The following NINL variants were observed in gnomAD, a reference collection of about 807,000 sequenced individuals.
The protein encoded by NINL is ninein like, also known as ninein-like protein.
Under a neutral mutation model 160.3 loss-of-function variants are expected in NINL, and 153 were observed. The observed-to-expected ratio is 0.95, with a 90% CI of 0.84 to 1.09. The LOEUF (loss-of-function observed/expected upper bound fraction) is 1.09, where lower values mean the gene tolerates loss of function less well. NINL is among the 50% of genes least tolerant of loss of function. The pLI is 0.00. For missense variants in NINL, 1,829 were observed against 1,764.0 expected (o/e 1.04, Z -0.66); for synonymous variants, 800 against 734.8 (o/e 1.09, Z -1.43).
chr20:25,534,521 A>G (rs1054148052), intron 1 of NINL, among the ~76,000 whole-genome samples: 1 of 152,252 alleles, frequency 6.6e-6, no homozygotes, highest in African/African-American at 2.4e-5. Flanking sequence ...AGCATGGCCT[A>G]CCACAAACCT....
intron 17 of NINL, 129 bp downstream of exon 17, chr20:25,475,914 G>A: frequency 2.2e-6 from 2 of 926,322 alleles, no homozygotes; most frequent in South Asian, 1.7e-5. Context: ...GGGCTACACA[G>A]CCCCCATCAG....
At chr20:25,500,557 C>A (rs540069531) in intron 8 of NINL, among the ~76,000 whole-genome samples, 1 of 152,236 alleles carries the variant, frequency 6.6e-6, no homozygotes, top group Non-Finnish European at 1.5e-5. Flanking sequence ...CTTGGCCCAA[C>A]ATTCAGGGGA....
At chr20:25,471,532 A>T (rs1362305302) in intron 17 of NINL, among the ~76,000 whole-genome samples, 1 of 152,166 alleles carries the variant, frequency 6.6e-6, no homozygotes, top group Admixed American at 6.5e-5. Context: ...AAACAACTAG[A>T]TCCTGCGCAA....
At chr20:25,524,698 A>G (rs1252431801) in intron 2 of NINL, among the ~76,000 whole-genome samples, 1 of 152,198 alleles carries the variant, frequency 6.6e-6, no homozygotes, top group Non-Finnish European at 1.5e-5. Context: ...TTATTCTATC[A>G]GAATTGGATG....
At chr20:25,482,761 C>T (rs1451843289) in intron 13 of NINL, among the ~76,000 whole-genome samples, 3 of 151,936 alleles carry the variant, frequency 2.0e-5, no homozygotes, top group East Asian at 2.0e-4. Flanking sequence ...TGGTGGCTCA[C>T]GCCTGTAATC....
At chr20:25,468,646 C>T (rs2062988898) in intron 18 of NINL, among the ~76,000 whole-genome samples, 1 of 146,542 alleles carries the variant, frequency 6.8e-6, no homozygotes, top group South Asian at 2.2e-4. Context: ...CCTGCCCTGT[C>T]CCCCAATTCT....
chr20:25,475,089 G>A lies in NINL; in HGVS notation c.3248+954C>T, dbSNP rs186216092. ...TGAACCACCGTGCCCTAGTTGTTAC[G>A]AGGTTTTAAATTCCTGATTCCTGGT... On this transcript the variant is annotated intron_variant, in intron 17 of 23. Coordinates refer to ENST00000278886, the MANE Select transcript of NINL (RefSeq NM_025176.6). Among the ~76,000 whole-genome samples, 5 of 151,392 alleles carry A rather than the reference G, an allele frequency of 3.3e-5. 1 individual carries two copies. The East Asian group carries it at 7.9e-4, about 24-fold the overall frequency.
intron 1 of NINL, among the ~76,000 whole-genome samples, chr20:25,561,302 G>A (rs2064934322): frequency 6.6e-6 from 1 of 152,198 alleles, no homozygotes; most frequent in African/African-American, 2.4e-5. Flanking sequence ...GCCTCCCGAG[G>A]TGCCGGGATT....
intron 1 of NINL, among the ~76,000 whole-genome samples, chr20:25,573,702 C>G (rs2065081430): frequency 6.6e-6 from 1 of 152,212 alleles, no homozygotes; most frequent in African/African-American, 2.4e-5. Context: ...TACTTGAAGT[C>G]CATGCCAAAC....
rs565807080 is a variant in NINL, at chr20:25,467,258, C to A, written c.3423+131G>T. On this transcript the variant is annotated intron_variant, in intron 19 of 23. Coordinates refer to ENST00000278886, the MANE Select transcript of NINL (RefSeq NM_025176.6). Reference sequence around the variant, plus strand: ...GTCTGACTTTGATGGGGCCTGGGGGCCAGTCAGCAACTCACTGTCAAGTCT... The same window carrying A: ...GTCTGACTTTGATGGGGCCTGGGGGACAGTCAGCAACTCACTGTCAAGTCT... 1,352 of 801,232 alleles carry A rather than the reference C, an allele frequency of 1.7e-3. 3 individuals are homozygous for A. The highest frequency in any genetic ancestry group is 2.1e-3 in the Non-Finnish European group (1,002 of 472,492). 49.6% of individuals were successfully genotyped at this position (801,232 alleles called of 1,614,324 possible). A position where few individuals can be genotyped will look rare whatever the true frequency, so the allele number is the denominator to read the frequency against.
chr20:25,479,749 C>A (rs2063347570), intron 15 of NINL, among the ~76,000 whole-genome samples: 1 of 152,192 alleles, frequency 6.6e-6, no homozygotes, highest in Admixed American at 6.5e-5. Context: ...CTAAGTTCAT[C>A]CTGACAGTTT....
intron 1 of NINL, among the ~76,000 whole-genome samples, chr20:25,541,446 T>G (rs1462782708): frequency 6.6e-6 from 1 of 152,222 alleles, no homozygotes; most frequent in Admixed American, 6.5e-5. Context: ...ATTTATAGCT[T>G]CCAAGATAAA....
chr20:25,530,221 A>T (rs1399580856), intron 1 of NINL, among the ~76,000 whole-genome samples: 1 of 152,244 alleles, frequency 6.6e-6, no homozygotes, highest in East Asian at 1.9e-4. Flanking sequence ...TCTAGAACAG[A>T]TGGGCGGTGA....
chr20:25,522,820 C>A (rs2064286173), intron 2 of NINL, among the ~76,000 whole-genome samples: 1 of 152,144 alleles, frequency 6.6e-6, no homozygotes. Context: ...GAGCGGCAAC[C>A]CCATATATTC....
intron 5 of NINL, among the ~76,000 whole-genome samples, chr20:25,507,052 T>A (rs930297207): frequency 6.6e-6 from 1 of 152,214 alleles, no homozygotes; most frequent in African/African-American, 2.4e-5. Flanking sequence ...TCCTCTCACA[T>A]CTTTCAACCA....
intron 1 of NINL, among the ~76,000 whole-genome samples, chr20:25,570,693 A>AATTTTTT (rs1423732606): frequency 1.2e-4 from 9 of 74,124 alleles, no homozygotes; most frequent in East Asian, 6.8e-4. Flanking sequence ...GGGCAAGTAG[A>AATTTTTT]CTTTTTTTTT....
chr20:25,578,109 G>T (rs1211758323), intron 1 of NINL, among the ~76,000 whole-genome samples: 1 of 151,302 alleles, frequency 6.6e-6, no homozygotes, highest in Non-Finnish European at 1.5e-5. Flanking sequence ...TGGGATTACA[G>T]GCGTGATTTT....
intron 2 of NINL, 31 bp downstream of exon 2, chr20:25,526,377 T>A: frequency 1.4e-6 from 2 of 1,418,748 alleles, no homozygotes; most frequent in Non-Finnish European, 1.9e-6. Flanking sequence ...ACCCCGTGCT[T>A]TCCTTTATGA....
At chr20:25,494,492 G>T (rs2063708436) in intron 10 of NINL, among the ~76,000 whole-genome samples, 3 of 152,238 alleles carry the variant, frequency 2.0e-5, no homozygotes, top group African/African-American at 7.2e-5. Context: ...CACTCCACAG[G>T]CCCCATGCAC....
Sources: allele counts gnomAD v4.1 joint callset (sites outside exome capture counted in the v4.1 genomes callset), GRCh38; gene constraint gnomAD v4.1.1; transcripts MANE v1.5; gene names NCBI Gene and HGNC (gene_info 2026-07-23, HGNC 2026-07-21).